The following LRP1B variants were observed in gnomAD, a reference collection of about 807,000 sequenced individuals.
The protein encoded by LRP1B is low-density lipoprotein receptor-related protein 1B.
In LRP1B, 217 loss-of-function variants were observed where a neutral mutation model predicts 556.6. That is an observed-to-expected ratio of 0.39 (90% confidence interval 0.35 to 0.44). LRP1B has a LOEUF of 0.44. LRP1B is among the 20% of genes least tolerant of loss of function. LRP1B has a pLI of 1.00. For missense variants in LRP1B, 5,053 were observed against 5,620.8 expected (o/e 0.90, Z 3.23); for synonymous variants, 2,047 against 1,865.8 (o/e 1.10, Z -2.50).
intron 2 of LRP1B, among the ~76,000 whole-genome samples, chr2:141,511,202 T>C (rs1684119437): frequency 6.6e-6 from 1 of 152,160 alleles, no homozygotes; most frequent in East Asian, 1.9e-4. Context: ...CTTTTCTTAT[T>C]GACTTAATTA....
chr2:140,519,080 T>C (rs1283323661), intron 49 of LRP1B, among the ~76,000 whole-genome samples: 1 of 152,152 alleles, frequency 6.6e-6, no homozygotes, highest in Non-Finnish European at 1.5e-5. Flanking sequence ...AAGCTACCAA[T>C]GACTTTCTTC....
intron 79 of LRP1B, among the ~76,000 whole-genome samples, chr2:140,329,765 C>T (rs1381345706): frequency 6.6e-6 from 1 of 151,844 alleles, no homozygotes; most frequent in Non-Finnish European, 1.5e-5. Context: ...ATGAAAAAAA[C>T]CTACCATGCT....
At chr2:141,718,489 G>A (rs1471659164) in intron 2 of LRP1B, among the ~76,000 whole-genome samples, 2 of 152,088 alleles carry the variant, frequency 1.3e-5, no homozygotes, top group African/African-American at 2.4e-5. Context: ...GACCCTACAT[G>A]CCTGTAATAT....
chr2:140,765,819 T>C (rs924481360), intron 35 of LRP1B, among the ~76,000 whole-genome samples: 32 of 152,160 alleles, frequency 2.1e-4, no homozygotes, highest in African/African-American at 7.5e-4. Context: ...ATAGTATTGA[T>C]AAATTATGAT....
chr2:140,429,352 T>C (rs553438663), intron 66 of LRP1B, among the ~76,000 whole-genome samples: 1,761 of 151,598 alleles, frequency 0.012, 30 homozygotes, highest in African/African-American at 0.04. Context: ...TCCTCAATAC[T>C]TCCCTCCACA....
intron 41 of LRP1B, among the ~76,000 whole-genome samples, chr2:140,648,570 T>C (rs1684566631): frequency 1.3e-5 from 2 of 151,886 alleles, no homozygotes; most frequent in Non-Finnish European, 2.9e-5. Context: ...TACACTGAGA[T>C]ATAAAGGATA....
At chr2:140,273,252 T>A (rs1184104022) in intron 85 of LRP1B, among the ~76,000 whole-genome samples, 1 of 151,884 alleles carries the variant, frequency 6.6e-6, no homozygotes, top group Non-Finnish European at 1.5e-5. Flanking sequence ...GAGAACAATG[T>A]ACGCTCACTA....
chr2:142,043,933 C>T (rs1704150388), intron 1 of LRP1B, among the ~76,000 whole-genome samples: 1 of 151,604 alleles, frequency 6.6e-6, no homozygotes, highest in Non-Finnish European at 1.5e-5. Flanking sequence ...CAAACTTTTC[C>T]ATAGCCTGGA....
intron 35 of LRP1B, among the ~76,000 whole-genome samples, chr2:140,766,839 ATATAT>A (rs869305522): frequency 0.052 from 1,174 of 22,580 alleles, 30 homozygotes; most frequent in African/African-American, 0.077. Flanking sequence ...ATATATATAT[ATATAT>A]TATATATATA....
At chr2:140,966,796 T>A (rs931957626) in intron 18 of LRP1B, among the ~76,000 whole-genome samples, 2 of 152,232 alleles carry the variant, frequency 1.3e-5, no homozygotes, top group East Asian at 1.9e-4. Context: ...TTATTAAATA[T>A]GGAATCCTTT....
intron 41 of LRP1B, among the ~76,000 whole-genome samples, chr2:140,645,908 T>C (rs1313831956): frequency 1.3e-5 from 2 of 152,112 alleles, no homozygotes; most frequent in Non-Finnish European, 2.9e-5. Flanking sequence ...TCCTAATTAT[T>C]GAAACCTAGT....
At chr2:141,645,771 G>C (rs1689540121) in intron 2 of LRP1B, among the ~76,000 whole-genome samples, 1 of 151,946 alleles carries the variant, frequency 6.6e-6, no homozygotes, top group Admixed American at 6.6e-5. Context: ...ACTCTCCAAA[G>C]AGTGAGTAGT....
chr2:141,172,196 C>A (rs1680528854), intron 7 of LRP1B, among the ~76,000 whole-genome samples: 3 of 152,026 alleles, frequency 2.0e-5, no homozygotes, highest in African/African-American at 4.8e-5. Flanking sequence ...CCATGCACTT[C>A]ATGGGAAGTA....
chr2:142,062,163 G>A lies in LRP1B; in HGVS notation c.82+68485C>T, dbSNP rs186444032. 8.9e-4 allele frequency among the ~76,000 whole-genome samples: 135 copies of A among 151,954 alleles called. 1 individual carries two copies. The highest frequency in any genetic ancestry group is 1.5e-3 in the Non-Finnish European group (104 of 67,896). On this transcript the variant is annotated intron_variant, in intron 1 of 90. Coordinates refer to ENST00000389484, the MANE Select transcript of LRP1B (RefSeq NM_018557.3). ...TCAATGCCCCCAGCCAACTAGCATG[G>A]TAAAATAGTTGCTATTGTTTTTATA...
At chr2:141,120,815 T>C (rs1343269520) in intron 7 of LRP1B, among the ~76,000 whole-genome samples, 1 of 152,026 alleles carries the variant, frequency 6.6e-6, no homozygotes, top group Non-Finnish European at 1.5e-5. Flanking sequence ...GTGAGACTCC[T>C]GATAGGAATT....
At chr2:141,392,689 T>C (rs896672569) in intron 3 of LRP1B, among the ~76,000 whole-genome samples, 1 of 152,154 alleles carries the variant, frequency 6.6e-6, no homozygotes, top group African/African-American at 2.4e-5. Context: ...TTAATCTCAC[T>C]GGTATTTTTT....
Position 142,130,785 on chromosome 2 carries a change from CCGGCGG to C in LRP1B, c.-62_-57del, listed in dbSNP as rs3832053. On this transcript the variant is annotated 5_prime_UTR_variant, in exon 1 of 91. Transcript: ENST00000389484. ...GAGACTGCTCGGCGGCACCTTCGGCCCGGCGGCGGCGGCGGCGGCAGGGGCCGCTTG... is the reference window on the plus strand; with the variant it reads ...GAGACTGCTCGGCGGCACCTTCGGCCCGGCGGCGGCGGCAGGGGCCGCTTG... 14 of 1,458,438 alleles carry C rather than the reference CCGGCGG, an allele frequency of 9.6e-6. No homozygotes were observed. Among genetic ancestry groups the C allele is most frequent in the Admixed American group, 7.5e-5 (4 of 53,536 alleles). The allele number at this position is 1,458,438 out of a possible 1,614,324, so 90.3% of individuals were successfully genotyped here.
At chr2:141,369,640 C>A (rs1370960802) in intron 3 of LRP1B, among the ~76,000 whole-genome samples, 1 of 152,070 alleles carries the variant, frequency 6.6e-6, no homozygotes, top group Non-Finnish European at 1.5e-5. Context: ...AAGCAATCTA[C>A]AATCTGTTTT....
chr2:140,487,049 AACTCAGAATAAC>A (rs1322495197), intron 58 of LRP1B, among the ~76,000 whole-genome samples: 1 of 151,922 alleles, frequency 6.6e-6, no homozygotes, highest in Non-Finnish European at 1.5e-5. Context: ...TTGATTTTAA[AACTCAGAATAAC>A]AAAAGATGGT....
Sources: gnomAD v4.1 joint callset for allele counts (sites outside exome capture counted in the v4.1 genomes callset) on GRCh38, gnomAD v4.1.1 for gene constraint, MANE v1.5 for transcripts, NCBI Gene and HGNC (gene_info 2026-07-23, HGNC 2026-07-21) for gene names.